The following EXOC4 variants were observed in gnomAD, a reference collection of about 807,000 sequenced individuals.
EXOC4 encodes exocyst complex component 4, also known as SEC8-like 1.
In EXOC4, 71 loss-of-function variants were observed where a neutral mutation model predicts 107.2. That is an observed-to-expected ratio of 0.66 (90% CI 0.55 to 0.81). The LOEUF is 0.81. Among genes scored for constraint, EXOC4 ranks in the 30% least tolerant of loss-of-function variants. The probability of loss-of-function intolerance (pLI) is 0.00; values close to 1 mark genes in which losing one functional copy is unlikely to be tolerated. For missense variants in EXOC4, 1,108 were observed against 1,189.6 expected (o/e 0.93, Z 1.01); for synonymous variants, 456 against 441.2 (o/e 1.03, Z -0.42).
intron 10 of EXOC4, among the ~76,000 whole-genome samples, chr7:133,634,472 T>G (rs926817403): frequency 5.3e-5 from 8 of 151,288 alleles, no homozygotes. Context: ...TAATGATAGT[T>G]TTTTTTTTGT....
intron 9 of EXOC4, among the ~76,000 whole-genome samples, chr7:133,585,366 C>G (rs1219703796): frequency 6.6e-6 from 1 of 152,070 alleles, no homozygotes; most frequent in Non-Finnish European, 1.5e-5. Flanking sequence ...TGATCTCGGT[C>G]CCTTTTGTGC....
At chr7:133,897,207 A>T (rs1799339068) in intron 12 of EXOC4, among the ~76,000 whole-genome samples, 1 of 151,632 alleles carries the variant, frequency 6.6e-6, no homozygotes, top group South Asian at 2.1e-4. Context: ...ATTAATGCTT[A>T]TCCTTCCTCA....
intron 17 of EXOC4, among the ~76,000 whole-genome samples, chr7:134,042,905 C>T (rs932415003): frequency 2.0e-5 from 3 of 152,128 alleles, no homozygotes; most frequent in East Asian, 1.9e-4. Context: ...GCCGTGGTGG[C>T]GCATGCCTGT....
intron 10 of EXOC4, among the ~76,000 whole-genome samples, chr7:133,704,282 T>C (rs986256093): frequency 6.6e-6 from 1 of 151,906 alleles, no homozygotes; most frequent in Non-Finnish European, 1.5e-5. Flanking sequence ...TATGCAGTGT[T>C]TTTGTATTTT....
chr7:133,636,655 T>C (rs987013096), intron 10 of EXOC4, among the ~76,000 whole-genome samples: 7 of 152,226 alleles, frequency 4.6e-5, no homozygotes, highest in African/African-American at 1.4e-4. Context: ...AAAGTGTTAC[T>C]GATGCTGGTT....
intron 10 of EXOC4, among the ~76,000 whole-genome samples, chr7:133,777,423 C>T (rs1326236830): frequency 6.6e-6 from 1 of 152,142 alleles, no homozygotes; most frequent in African/African-American, 2.4e-5. Context: ...CTGATTCAGA[C>T]AATCTGAGGA....
chr7:133,286,048 A>G (rs1794269009), intron 2 of EXOC4, among the ~76,000 whole-genome samples: 1 of 152,130 alleles, frequency 6.6e-6, no homozygotes, highest in Admixed American at 6.5e-5. Flanking sequence ...AAGACACTGC[A>G]CTGAGCAGGC....
chr7:133,966,646 G>T lies in EXOC4; in HGVS notation c.2206+28577G>T, dbSNP rs1158349346. On this transcript the variant is annotated intron_variant, in intron 14 of 17. Transcript: ENST00000253861. Reference sequence around the variant, plus strand: ...TTATGTTTATTGATTTGCGTATGTTGAACCAGCCTTGCATCCCAGGGATGA... The same window carrying T: ...TTATGTTTATTGATTTGCGTATGTTTAACCAGCCTTGCATCCCAGGGATGA... Among the ~76,000 whole-genome samples the T allele has an allele frequency of 2.6e-5, 4 of 152,292 alleles. No individual in the cohort carries two copies. The East Asian group carries it at 7.7e-4, about 29-fold the overall frequency.
chr7:133,580,112 T>C (rs988191640), intron 9 of EXOC4, among the ~76,000 whole-genome samples: 5 of 152,260 alleles, frequency 3.3e-5, no homozygotes, highest in Non-Finnish European at 1.5e-5. Context: ...AGTTTATCCA[T>C]GTGACACTAT....
At chr7:133,562,240 T>G (rs1432412706) in intron 9 of EXOC4, among the ~76,000 whole-genome samples, 2 of 152,204 alleles carry the variant, frequency 1.3e-5, no homozygotes, top group African/African-American at 2.4e-5. Context: ...TTGCTTTTAG[T>G]CCACTGTGTG....
At chr7:133,721,476 A>C (rs980612357) in intron 10 of EXOC4, among the ~76,000 whole-genome samples, 1 of 152,154 alleles carries the variant, frequency 6.6e-6, no homozygotes, top group East Asian at 1.9e-4. Context: ...TCCTGTTCCT[A>C]ATGTTGTCAG....
intron 10 of EXOC4, among the ~76,000 whole-genome samples, chr7:133,685,159 A>G (rs1794269023): frequency 1.3e-5 from 2 of 152,152 alleles, no homozygotes; most frequent in African/African-American, 4.8e-5. Flanking sequence ...AACAATAAGC[A>G]GTTGGTATGG....
At chr7:133,783,914 T>G (rs1796516292) in intron 10 of EXOC4, among the ~76,000 whole-genome samples, 1 of 152,202 alleles carries the variant, frequency 6.6e-6, no homozygotes, top group African/African-American at 2.4e-5. Context: ...AAATGCATGT[T>G]TATTTTTGAT....
intron 10 of EXOC4, among the ~76,000 whole-genome samples, chr7:133,656,322 GTT>G (rs1793666297): frequency 1.3e-5 from 2 of 152,034 alleles, no homozygotes; most frequent in South Asian, 4.1e-4. Flanking sequence ...AAATTAATGA[GTT>G]TGAATATTGG....
intron 9 of EXOC4, among the ~76,000 whole-genome samples, chr7:133,526,157 C>T (rs1281821663): frequency 2.0e-5 from 3 of 152,152 alleles, no homozygotes; most frequent in Non-Finnish European, 4.4e-5. Context: ...AGATAATTGG[C>T]TCTTTCTGTT....
chr7:133,714,425 A>G (rs1346977901), intron 10 of EXOC4, among the ~76,000 whole-genome samples: 4 of 152,204 alleles, frequency 2.6e-5, no homozygotes, highest in African/African-American at 9.6e-5. Flanking sequence ...CAAAGCCTCT[A>G]GTGGTGTAGT....
chr7:133,757,747 T>C (rs369225853), intron 10 of EXOC4, among the ~76,000 whole-genome samples: 4 of 152,348 alleles, frequency 2.6e-5, no homozygotes, highest in African/African-American at 9.6e-5. Context: ...CTGAGTGCTA[T>C]TCATATGACA....
At chr7:133,831,226 G>A (rs1238921428) in intron 11 of EXOC4, among the ~76,000 whole-genome samples, 2 of 152,110 alleles carry the variant, frequency 1.3e-5, no homozygotes, top group Non-Finnish European at 2.9e-5. Context: ...GCCTCCCAAA[G>A]TGCTGGGATT....
chr7:133,969,919 T>G (rs1801162664), intron 14 of EXOC4, among the ~76,000 whole-genome samples: 1 of 152,194 alleles, frequency 6.6e-6, no homozygotes, highest in Non-Finnish European at 1.5e-5. Flanking sequence ...AACATTTAAG[T>G]CTGCTGAACT....
Sources: gnomAD v4.1 joint callset for allele counts (sites outside exome capture counted in the v4.1 genomes callset) on GRCh38, gnomAD v4.1.1 for gene constraint, MANE v1.5 for transcripts, NCBI Gene and HGNC (gene_info 2026-07-23, HGNC 2026-07-21) for gene names.